SSBP3: variants seen among roughly 807,000 people sequenced by gnomAD.
SSBP3 encodes single-stranded DNA-binding protein 3.
Under a neutral mutation model 69.6 loss-of-function variants are expected in SSBP3, and 5 were observed. The ratio of observed to expected loss-of-function variants is 0.07; its 90% CI spans 0.04 to 0.15. The LOEUF (loss-of-function observed/expected upper bound fraction) is 0.15. SSBP3 is among the 10% of genes least tolerant of loss of function. SSBP3 has a pLI of 1.00. For missense variants in SSBP3, 312 were observed against 534.0 expected (o/e 0.58, Z 4.10); for synonymous variants, 196 against 193.4 (o/e 1.01, Z -0.11).
intron 4 of SSBP3, among the ~76,000 whole-genome samples, chr1:54,390,131 C>T (rs1648382519): frequency 6.6e-6 from 1 of 152,130 alleles, no homozygotes. Flanking sequence ...GGGAGGAATG[C>T]CTGTCCCCTA....
intron 4 of SSBP3, among the ~76,000 whole-genome samples, chr1:54,373,456 G>C (rs771009200): frequency 6.6e-6 from 1 of 152,122 alleles, no homozygotes; most frequent in Non-Finnish European, 1.5e-5. Context: ...GGTCAGCAAA[G>C]AGTTGTTTTG....
At chr1:54,412,100 G>T (rs1166314929) in intron 1 of SSBP3, among the ~76,000 whole-genome samples, 1 of 152,010 alleles carries the variant, frequency 6.6e-6, no homozygotes, top group Non-Finnish European at 1.5e-5. Context: ...CAAGGTAAAG[G>T]CTTCACTCCC....
intron 14 of SSBP3, among the ~76,000 whole-genome samples, chr1:54,232,297 T>C (rs1644393162): frequency 6.6e-6 from 1 of 152,208 alleles, no homozygotes; most frequent in Non-Finnish European, 1.5e-5. Flanking sequence ...TAGGCTATAT[T>C]ACATTAATTA....
At chr1:54,411,864 C>G (rs1429306381) in intron 1 of SSBP3, among the ~76,000 whole-genome samples, 2 of 144,780 alleles carry the variant, frequency 1.4e-5, no homozygotes, top group African/African-American at 5.0e-5. Context: ...TGCACTCCAG[C>G]CTGGGGGACA....
chr1:54,228,280 A>C, exon 17 of SSBP3: 1 of 1,613,722 alleles, frequency 6.2e-7, no homozygotes, highest in Non-Finnish European at 8.5e-7. Context: ...GGAGTGGAGG[A>C]AGTTCCCTCC....
chr1:54,366,267 C>T (rs1367626172), intron 4 of SSBP3, among the ~76,000 whole-genome samples: 2 of 152,174 alleles, frequency 1.3e-5, no homozygotes, highest in Non-Finnish European at 2.9e-5. Flanking sequence ...TAACTATACC[C>T]ATTCCTGCAG....
At chr1:54,407,744 G>A (rs2100844885), upstream of SSBP3, among the ~76,000 whole-genome samples, 1 of 128,176 alleles carries the variant, frequency 7.8e-6, no homozygotes, top group Non-Finnish European at 1.6e-5. Context: ...TGTTAGCCTA[G>A]GTTGATTTTT....
intron 4 of SSBP3, among the ~76,000 whole-genome samples, chr1:54,353,287 C>T (rs1221827000): frequency 6.6e-6 from 1 of 152,112 alleles, no homozygotes; most frequent in Non-Finnish European, 1.5e-5. Flanking sequence ...AGGCCCATTG[C>T]GAGGGGAAAA....
At chr1:54,395,080 T>A (rs1648771044) in intron 4 of SSBP3, among the ~76,000 whole-genome samples, 1 of 151,840 alleles carries the variant, frequency 6.6e-6, no homozygotes, top group Non-Finnish European at 1.5e-5. Flanking sequence ...GGGGATTCCC[T>A]TATACAATAA....
intron 4 of SSBP3, among the ~76,000 whole-genome samples, chr1:54,320,560 C>T (rs866743754): frequency 6.6e-6 from 1 of 152,100 alleles, no homozygotes; most frequent in Non-Finnish European, 1.5e-5. Flanking sequence ...CCTCGTGATC[C>T]GCCCACCTCA....
intron 4 of SSBP3, among the ~76,000 whole-genome samples, chr1:54,308,274 T>C (rs560592111): frequency 6.6e-6 from 1 of 152,178 alleles, no homozygotes; most frequent in African/African-American, 2.4e-5. Context: ...CTGGCCAACA[T>C]GGTGAAATCC....
At chr1:54,252,608 T>C (rs1644849513) in intron 7 of SSBP3, among the ~76,000 whole-genome samples, 1 of 152,198 alleles carries the variant, frequency 6.6e-6, no homozygotes, top group Non-Finnish European at 1.5e-5. Context: ...GCTGGGGCCA[T>C]CGGCGGTGCT....
chr1:54,256,240 A>T (rs1299621779), intron 7 of SSBP3, among the ~76,000 whole-genome samples: 6 of 152,230 alleles, frequency 3.9e-5, no homozygotes, highest in African/African-American at 1.4e-4. Flanking sequence ...AAAGGCAACA[A>T]GGGCTGGATG....
At chr1:54,284,102 A>C (rs1036818683) in intron 4 of SSBP3, among the ~76,000 whole-genome samples, 15 of 102,012 alleles carry the variant, frequency 1.5e-4, no homozygotes, top group African/African-American at 1.6e-4. Flanking sequence ...TTATTTAACC[A>C]CTTTTTTTTT....
chr1:54,333,054 C>T (rs554909648), intron 4 of SSBP3, among the ~76,000 whole-genome samples: 1 of 152,320 alleles, frequency 6.6e-6, no homozygotes, highest in South Asian at 2.1e-4. Flanking sequence ...CTGGCAAACA[C>T]CTGGTCACTT....
chr1:54,329,898 A>G (rs1646377766), intron 4 of SSBP3, among the ~76,000 whole-genome samples: 1 of 152,180 alleles, frequency 6.6e-6, no homozygotes, highest in Non-Finnish European at 1.5e-5. Flanking sequence ...GGAACACTGG[A>G]CTGCTTTTGG....
chr1:54,236,216 A>C (rs1254216073), intron 14 of SSBP3, among the ~76,000 whole-genome samples: 2 of 151,994 alleles, frequency 1.3e-5, no homozygotes, highest in Non-Finnish European at 2.9e-5. Flanking sequence ...CCCAGGCTCA[A>C]GCGATTCTCC....
intron 4 of SSBP3, among the ~76,000 whole-genome samples, chr1:54,318,038 G>C (rs1032184023): frequency 2.0e-5 from 3 of 152,184 alleles, no homozygotes; most frequent in Non-Finnish European, 4.4e-5. Flanking sequence ...AAATTGGTGG[G>C]ATTAAAGGCG....
At chr1:54,335,622 C>T (rs1295257897) in intron 4 of SSBP3, among the ~76,000 whole-genome samples, 1 of 152,184 alleles carries the variant, frequency 6.6e-6, no homozygotes, top group Non-Finnish European at 1.5e-5. Context: ...AGTCTATCTC[C>T]CCGGTGCCCA....
Sources: gnomAD v4.1 joint callset for allele counts (sites outside exome capture counted in the v4.1 genomes callset) on GRCh38, gnomAD v4.1.1 for gene constraint, MANE v1.5 for transcripts, NCBI Gene and HGNC (gene_info 2026-07-23, HGNC 2026-07-21) for gene names.